SOD2: variants seen among roughly 807,000 people sequenced by gnomAD.
SOD2 encodes superoxide dismutase [Mn], mitochondrial.
SOD2 carries 11 observed loss-of-function variants against 27.0 expected under a neutral mutation model. The observed-to-expected ratio is 0.41, with a 90% CI of 0.26 to 0.67. The LOEUF is 0.67. SOD2 is among the 30% of genes least tolerant of loss of function. SOD2 has a pLI of 0.34. For synonymous variants in SOD2, 105 were observed against 103.0 expected (o/e 1.02, Z -0.12); for missense variants, 250 against 274.5 (o/e 0.91, Z 0.63).
At chr6:159,726,601 T>C (rs1778180700) in intron 1 of SOD2, 4 of 378,064 alleles carry the variant, frequency 1.1e-5, no homozygotes, top group South Asian at 8.4e-5. Context: ...CAGTCTTACT[T>C]CAGGGAGTCT....
chr6:159,712,256 A>G (rs1165566101), intron 1 of SOD2, among the ~76,000 whole-genome samples: 4 of 129,524 alleles, frequency 3.1e-5, no homozygotes, highest in Non-Finnish European at 5.0e-5. Context: ...CACCCTAACC[A>G]CCTCCATAAC....
chr6:159,701,917 T>C (rs1044972073), intron 1 of SOD2, among the ~76,000 whole-genome samples: 50 of 152,312 alleles, frequency 3.3e-4, no homozygotes, highest in East Asian at 7.7e-4. Context: ...TCAGCCCAAG[T>C]GTGACCTTTA....
chr6:159,686,643 C>T (rs1263233805), intron 3 of SOD2, among the ~76,000 whole-genome samples: 3 of 152,090 alleles, frequency 2.0e-5, no homozygotes, highest in Admixed American at 2.0e-4. Flanking sequence ...AGCTAAACTC[C>T]ATCTCCAAAA....
At chr6:159,720,094 G>C (rs1308906185) in intron 1 of SOD2, among the ~76,000 whole-genome samples, 1 of 149,924 alleles carries the variant, frequency 6.7e-6, no homozygotes, top group Non-Finnish European at 1.5e-5. Context: ...GCAGTGGCAC[G>C]ATCTCAGCTC....
upstream of SOD2, among the ~76,000 whole-genome samples, chr6:159,727,862 C>G (rs891935225): frequency 1.3e-5 from 2 of 152,222 alleles, no homozygotes; most frequent in Admixed American, 6.5e-5. Flanking sequence ...ACCTTCCCGC[C>G]TGCGGGGAAC....
chr6:159,704,470 G>A (rs904283915), intron 1 of SOD2, among the ~76,000 whole-genome samples: 6 of 152,218 alleles, frequency 3.9e-5, no homozygotes, highest in African/African-American at 1.2e-4. Context: ...AGCACACCAG[G>A]AGATTATATC....
upstream of SOD2, chr6:159,745,253 G>T (rs1779506414): frequency 6.6e-6 from 1 of 152,162 alleles, no homozygotes; most frequent in Non-Finnish European, 1.5e-5. Context: ...CATCATAGTT[G>T]ATGTGTGCAC....
intron 1 of SOD2, chr6:159,742,218 T>A: frequency 7.6e-7 from 1 of 1,308,022 alleles, no homozygotes; most frequent in African/African-American, 1.5e-5. Flanking sequence ...AGGATAGTTG[T>A]TTTTATTAAA....
exon 1 of SOD2, chr6:159,761,702 T>TA (rs951787420): frequency 4.9e-4 from 183 of 375,800 alleles, no homozygotes; most frequent in East Asian, 8.9e-4. Context: ...TAAGATTTTT[T>TA]AAAAAAAAGC....
chr6:159,755,666 C>A, intron 1 of SOD2: 1 of 1,432,238 alleles, frequency 7.0e-7, no homozygotes, highest in Non-Finnish European at 9.1e-7. Context: ...AGGATACTGT[C>A]CAGAAAATTA....
chr6:159,736,155 T>C, intron 1 of SOD2: 2 of 1,125,752 alleles, frequency 1.8e-6, no homozygotes, highest in Non-Finnish European at 2.6e-6. Flanking sequence ...TCAACAGTAA[T>C]TTAGTTCACT....
chr6:159,690,424 C>T (rs551861224), intron 2 of SOD2, among the ~76,000 whole-genome samples: 80 of 151,920 alleles, frequency 5.3e-4, no homozygotes, highest in South Asian at 5.2e-3. Context: ...AGTGTGACCC[C>T]GTCTGTTTTT....
intron 1 of SOD2, chr6:159,726,898 G>A (rs1226105998): frequency 7.8e-7 from 1 of 1,289,126 alleles, no homozygotes; most frequent in Non-Finnish European, 1.0e-6. Flanking sequence ...GCCGCCCACG[G>A]CCTCTCTCTT....
chr6:159,685,404 G>A (rs1409674903), intron 3 of SOD2, among the ~76,000 whole-genome samples: 4 of 151,468 alleles, frequency 2.6e-5, no homozygotes, highest in Non-Finnish European at 5.9e-5. Flanking sequence ...CATCACGCCC[G>A]GCTAATTTTG....
At chr6:159,685,108 GTA>G in intron 3 of SOD2, 75 bp from the exon 4 acceptor site, 1 of 1,003,646 alleles carries the variant, frequency 1.0e-6, no homozygotes, top group Non-Finnish European at 1.3e-6. Context: ...TATATTACAT[GTA>G]TTAAAATATT....
At position 159,684,995 on chromosome 6, in the gene SOD2, A is replaced by C; in HGVS notation, c.382T>G (p.Phe128Val). 1 of 1,611,348 alleles carries C rather than the reference A, an allele frequency of 6.2e-7. No homozygotes were observed. Among genetic ancestry groups the C allele is most frequent in the Non-Finnish European group, 8.5e-7 (1 of 1,178,852 alleles). Residue 128 changes from phenylalanine (F) to valine (V), a missense_variant, in exon 4 of 5, where the codon TTT (phenylalanine) becomes GTT (valine). Transcript: ENST00000538183. ...GTCAGCTTCTCCTTAAACTTGTCAA[A>C]GGAACCAAAGTCACGTTTGATGGCT... ...LEAIKRDFGS[F>V]DKFKEKLTAA...
At chr6:159,757,183 T>C (rs1780027992) in intron 1 of SOD2, among the ~76,000 whole-genome samples, 1 of 152,200 alleles carries the variant, frequency 6.6e-6, no homozygotes, top group African/African-American at 2.4e-5. Context: ...AGCTTTCATA[T>C]ATGGTTGAAA....
At chr6:159,710,011 G>A (rs62437318) in intron 1 of SOD2, among the ~76,000 whole-genome samples, 60,710 of 149,448 alleles carry the variant, frequency 0.41, 13,551 homozygotes, top group Admixed American at 0.53. Flanking sequence ...GCAAACTATC[G>A]CAAGGACAAA....
intron 1 of SOD2, among the ~76,000 whole-genome samples, chr6:159,756,952 T>C (rs1283223038): frequency 1.3e-5 from 2 of 152,170 alleles, no homozygotes; most frequent in Non-Finnish European, 2.9e-5. Flanking sequence ...GTGACCTGAT[T>C]TCAAGTAGAG....
Sources: allele counts gnomAD v4.1 joint callset (sites outside exome capture counted in the v4.1 genomes callset), GRCh38; gene constraint gnomAD v4.1.1; transcripts MANE v1.5; gene names NCBI Gene and HGNC (gene_info 2026-07-23, HGNC 2026-07-21).